The following SHROOM3 variants were observed in gnomAD, a reference collection of about 807,000 sequenced individuals.
The protein encoded by SHROOM3 is protein Shroom3.
SHROOM3 carries 47 observed loss-of-function variants against 138.6 expected under a neutral mutation model. The ratio of observed to expected loss-of-function variants is 0.34; its 90% confidence interval spans 0.27 to 0.43. The LOEUF (loss-of-function observed/expected upper bound fraction) is 0.43, where lower values mean the gene tolerates loss of function less well. SHROOM3 is among the 20% of genes least tolerant of loss of function. SHROOM3 has a pLI of 1.00. For synonymous variants in SHROOM3, 1,062 were observed against 1,063.3 expected, an observed-to-expected ratio of 1.00 and a Z score of 0.02; for missense variants, 2,491 against 2,596.5, an observed-to-expected ratio of 0.96 and a Z score of 0.88.
intron 2 of SHROOM3, among the ~76,000 whole-genome samples, chr4:76,627,504 A>G (rs559330790): frequency 1.8e-4 from 28 of 152,280 alleles, no homozygotes; most frequent in African/African-American, 6.5e-4. Context: ...TATATTCTGT[A>G]CATGATGGTG....
intron 2 of SHROOM3, among the ~76,000 whole-genome samples, chr4:76,646,888 C>T (rs2110086031): frequency 6.6e-6 from 1 of 152,240 alleles, no homozygotes; most frequent in Admixed American, 6.5e-5. Flanking sequence ...GAAAATAGAA[C>T]TACCCTTTGA....
intron 2 of SHROOM3, among the ~76,000 whole-genome samples, chr4:76,671,107 A>C (rs1577964625): frequency 6.6e-6 from 1 of 152,072 alleles, no homozygotes; most frequent in African/African-American, 2.4e-5. Context: ...ACATTTGACC[A>C]CCTACTATGT....
intron 10 of SHROOM3, among the ~76,000 whole-genome samples, chr4:76,771,660 CT>C (rs1366281215): frequency 6.6e-6 from 1 of 152,186 alleles, no homozygotes; most frequent in Non-Finnish European, 1.5e-5. Flanking sequence ...GGTAACAGTG[CT>C]GACCCCACTG....
chr4:76,462,036 T>G (rs1000185038), intron 1 of SHROOM3, among the ~76,000 whole-genome samples: 5 of 152,186 alleles, frequency 3.3e-5, no homozygotes, highest in African/African-American at 1.2e-4. Context: ...GGGCTTCCAC[T>G]TGGCCCTCCT....
intron 2 of SHROOM3, among the ~76,000 whole-genome samples, chr4:76,653,523 T>A (rs1004116255): frequency 6.6e-6 from 1 of 151,820 alleles, no homozygotes. Flanking sequence ...AAGCATGAAC[T>A]GCAGAGTCAC....
intron 1 of SHROOM3, among the ~76,000 whole-genome samples, chr4:76,488,781 T>C (rs1014702076): frequency 7.9e-5 from 12 of 152,250 alleles, no homozygotes; most frequent in Non-Finnish European, 1.2e-4. Flanking sequence ...CTCTTAATCA[T>C]ATGTCAGGCA....
At chr4:76,606,133 C>T (rs1408590439) in intron 2 of SHROOM3, among the ~76,000 whole-genome samples, 1 of 148,550 alleles carries the variant, frequency 6.7e-6, no homozygotes, top group African/African-American at 2.5e-5. Context: ...CCTGCCTCAG[C>T]CTCCTAAGTA....
chr4:76,495,972 G>T (rs980593169), intron 1 of SHROOM3, among the ~76,000 whole-genome samples: 1 of 152,156 alleles, frequency 6.6e-6, no homozygotes, highest in Non-Finnish European at 1.5e-5. Context: ...AGGAAGGAAT[G>T]ACTAGTTTGA....
At chr4:76,737,236 T>C (rs1721097864) in intron 4 of SHROOM3, among the ~76,000 whole-genome samples, 2 of 152,126 alleles carry the variant, frequency 1.3e-5, no homozygotes, top group South Asian at 4.1e-4. Flanking sequence ...TTAGTTTCTT[T>C]CATATTTTTT....
chr4:76,543,371 A>G (rs17002080), intron 1 of SHROOM3, among the ~76,000 whole-genome samples: 75,710 of 151,812 alleles, frequency 0.5, 19,417 homozygotes, highest in Non-Finnish European at 0.57. Flanking sequence ...GAGAGTGTGG[A>G]AAGTCCTGGA....
chr4:76,486,554 AG>A (rs1731735371), intron 1 of SHROOM3, among the ~76,000 whole-genome samples: 1 of 152,188 alleles, frequency 6.6e-6, no homozygotes, highest in Non-Finnish European at 1.5e-5. Context: ...AAAGAAAAAG[AG>A]GGAGAGGGAA....
chr4:76,735,865 AAAAATATATATATATATATAT>A (rs1387583573), intron 4 of SHROOM3, among the ~76,000 whole-genome samples: 3 of 19,244 alleles, frequency 1.6e-4, no homozygotes, highest in Non-Finnish European at 3.9e-4. Flanking sequence ...AAAAAAAAAA[AAAAATATATATATATATATAT>A]ATATATATAT....
At position 76,770,679 on chromosome 4, in the gene SHROOM3, G is replaced by A. The variant is rs1722330571; in HGVS notation, c.5403G>A (p.Lys1801=). ...THKLETLQEA[K]GSLLTDIKLN... is the part of the protein sequence containing the mutation. ...AGCTGGAGACCCTCCAGGAGGCGAA[G>A]GGGAGCCTGCTCACGGACATCAAGC... Residue 1801 remains lysine, a synonymous_variant, in exon 10 of 11, where the codon AAG becomes AAA. Transcript: ENST00000296043. 1 of 1,614,058 alleles carries A rather than the reference G, an allele frequency of 6.2e-7. No homozygotes were observed. Among genetic ancestry groups the A allele is most frequent in the Non-Finnish European group, 8.5e-7 (1 of 1,180,054 alleles).
intron 2 of SHROOM3, among the ~76,000 whole-genome samples, chr4:76,625,061 T>G (rs1322271528): frequency 6.6e-6 from 1 of 152,194 alleles, no homozygotes; most frequent in Non-Finnish European, 1.5e-5. Flanking sequence ...GCAGATATTT[T>G]AATGCCAGAC....
At chr4:76,597,290 T>C (rs1734410848) in intron 2 of SHROOM3, among the ~76,000 whole-genome samples, 1 of 152,042 alleles carries the variant, frequency 6.6e-6, no homozygotes, top group Non-Finnish European at 1.5e-5. Flanking sequence ...AGTGGGAAAT[T>C]AGTAAAGGAT....
intron 5 of SHROOM3, among the ~76,000 whole-genome samples, chr4:76,745,455 C>T (rs1721404267): frequency 1.3e-5 from 2 of 152,332 alleles, no homozygotes; most frequent in South Asian, 2.1e-4. Flanking sequence ...GATGGTGTGA[C>T]AAACATTACT....
In SHROOM3 at chr4:76,706,102, G is replaced by C. The variant is rs79835647; in HGVS notation, c.324-4054G>C. 4.7e-3 allele frequency among the ~76,000 whole-genome samples: 720 copies of C among 152,200 alleles called. 7 individuals are homozygous for C. The highest frequency in any genetic ancestry group is 0.017 in the African/African-American group (687 of 41,550). ...AACAAAGTATGCTAGAGAAAAGAAT[G>C]GTTTTTGTTTTGTTTTGTTTTGTTT... On this transcript the variant is annotated intron_variant, in intron 2 of 10. Coordinates refer to ENST00000296043, the MANE Select transcript of SHROOM3 (RefSeq NM_020859.4).
intron 4 of SHROOM3, among the ~76,000 whole-genome samples, chr4:76,735,311 G>T (rs949445460): frequency 6.6e-6 from 1 of 152,132 alleles, no homozygotes; most frequent in Non-Finnish European, 1.5e-5. Flanking sequence ...AGACAGCAGT[G>T]GAAGAACTTG....
Position 76,740,744 on chromosome 4 carries a change from G to C in SHROOM3, c.2571G>C (p.Glu857Asp). The change falls in exon 5 of 11, where the codon GAG becomes GAC. Residue 857 changes from glutamate (E) to aspartate (D), a missense_variant. Around this residue, in one of 4 missense-constraint regions of SHROOM3, gnomAD observed 1,733 missense variants for 1,661.6 expected, o/e 1.04. Transcript: ENST00000296043. The surrounding 1 kb of genome is among the most constrained non-coding windows in gnomAD (Gnocchi z 4.0). ...HFKNGELKLE[E>D]ASRQPCGQQL... Reference sequence around the variant, plus strand: ...AAAACGGGGAGCTGAAGTTGGAAGAGGCTTCCCGGCAGCCCTGCGGTCAGC... The same window carrying C: ...AAAACGGGGAGCTGAAGTTGGAAGACGCTTCCCGGCAGCCCTGCGGTCAGC... 6.2e-7 allele frequency: 1 copy of C among 1,613,218 alleles called. No individual in the cohort carries two copies. The highest frequency in any genetic ancestry group is 1.1e-5 in the South Asian group (1 of 91,088).
Sources: gnomAD v4.1 joint callset for allele counts (sites outside exome capture counted in the v4.1 genomes callset) on GRCh38, gnomAD v4.1.1 for gene constraint, gnomAD v4.1.1 regional missense constraint, Gnocchi (gnomAD v3.1) non-coding constraint, MANE v1.5 for transcripts, NCBI Gene and HGNC (gene_info 2026-07-23, HGNC 2026-07-21) for gene names.